Variants in RAD51B observed in about 807,000 individuals in gnomAD.
RAD51B encodes the protein DNA repair protein RAD51 homolog 2.
Under a neutral mutation model 42.2 loss-of-function variants are expected in RAD51B, and 38 were observed. That is an observed-to-expected ratio of 0.90 (90% CI 0.70 to 1.18). RAD51B has a LOEUF of 1.18. Among genes scored for constraint, RAD51B ranks in the 50% most tolerant of loss-of-function variants. The pLI is 0.00. For missense variants in RAD51B, 373 were observed against 400.7 expected (o/e 0.93, Z 0.59); for synonymous variants, 154 against 145.2 (o/e 1.06, Z -0.43).
At chr14:68,566,981 T>G (rs1005333399) in intron 10 of RAD51B, among the ~76,000 whole-genome samples, 3 of 152,296 alleles carry the variant, frequency 2.0e-5, no homozygotes, top group Admixed American at 6.5e-5. Context: ...ATATCCCAAA[T>G]AGGCTCATAC....
chr14:68,045,236 CAAAAAAAAAAAAA>C (rs537073885), intron 7 of RAD51B, among the ~76,000 whole-genome samples: 1 of 22,080 alleles, frequency 4.5e-5, no homozygotes, highest in South Asian at 2.6e-3. Flanking sequence ...AACTCTGTCT[CAAAAAAAAAAAAA>C]AAAAAAAAAA....
intron 10 of RAD51B, among the ~76,000 whole-genome samples, chr14:68,553,180 G>T (rs996536508): frequency 3.3e-5 from 5 of 152,196 alleles, no homozygotes; most frequent in Non-Finnish European, 5.9e-5. Context: ...GCTGTACCAT[G>T]ATCAGTTTAA....
At chr14:68,136,339 G>A (rs1443746884) in intron 7 of RAD51B, among the ~76,000 whole-genome samples, 10 of 71,458 alleles carry the variant, frequency 1.4e-4, no homozygotes, top group Non-Finnish European at 2.6e-4. Flanking sequence ...ACTTTGGGAG[G>A]CCAAGGCGGG....
chr14:68,020,576 G>T (rs897976655), intron 7 of RAD51B, among the ~76,000 whole-genome samples: 11 of 152,000 alleles, frequency 7.2e-5, no homozygotes, highest in African/African-American at 2.4e-4. Context: ...AACATTTTTG[G>T]TGTATATCTG....
chr14:68,235,305 G>A lies in RAD51B; in HGVS notation c.757-56579G>A, dbSNP rs775151118. Among the ~76,000 whole-genome samples the A allele has an allele frequency of 1.5e-4, 23 of 151,812 alleles. 1 individual carries two copies. The East Asian group carries it at 2.7e-3, about 18-fold the overall frequency. On this transcript the variant is annotated intron_variant, in intron 7 of 10. Transcript: ENST00000471583. ...TCAGCTCCATTATATTGTTGACCAC[G>A]TAGCACATAACTGTACTTGAAGCCA...
At chr14:68,597,680 A>G (rs1287603594), downstream of RAD51B, among the ~76,000 whole-genome samples, 7 of 152,102 alleles carry the variant, frequency 4.6e-5, no homozygotes, top group Non-Finnish European at 1.0e-4. Context: ...AGCAGAAAAG[A>G]TAACTATTGG....
At position 68,658,682 on chromosome 14, in the gene RAD51B, T is replaced by A. The variant is rs887122821; in HGVS notation, c.*11+7826T>A. Reference sequence around the variant, plus strand: ...ACCTAGAGACTCTGCCTCAGGGTTCTCCCTGCCTTCTGCCCCACACCCCAC... The same window carrying A: ...ACCTAGAGACTCTGCCTCAGGGTTCACCCTGCCTTCTGCCCCACACCCCAC... On this transcript the variant is annotated intron_variant, in intron 11 of 11. Coordinates refer to the RAD51B transcript ENST00000488612. 3.9e-5 allele frequency among the ~76,000 whole-genome samples: 6 copies of A among 152,314 alleles called. No homozygotes were observed. The East Asian group carries it at 1.2e-3, about 29-fold the overall frequency.
At chr14:68,298,930 C>T (rs1161868363) in intron 8 of RAD51B, among the ~76,000 whole-genome samples, 3 of 152,008 alleles carry the variant, frequency 2.0e-5, no homozygotes, top group Admixed American at 6.6e-5. Flanking sequence ...AATGCATTTG[C>T]GATGTTTACT....
chr14:67,899,007 T>A (rs1003868841), intron 7 of RAD51B, among the ~76,000 whole-genome samples: 5 of 152,118 alleles, frequency 3.3e-5, no homozygotes, highest in African/African-American at 4.8e-5. Flanking sequence ...GAAAGATAAA[T>A]ATTCTTGTTG....
intron 1 of RAD51B, among the ~76,000 whole-genome samples, chr14:67,823,131 T>TA (rs1446846154): frequency 7.2e-5 from 11 of 152,362 alleles, no homozygotes; most frequent in Admixed American, 5.2e-4. Context: ...TGTAAATTGT[T>TA]ACAGTGCAAT....
At chr14:68,011,680 A>G (rs1008502760) in intron 7 of RAD51B, among the ~76,000 whole-genome samples, 3 of 152,056 alleles carry the variant, frequency 2.0e-5, no homozygotes, top group Admixed American at 6.6e-5. Flanking sequence ...TCCAGTTTAA[A>G]CAACTGGACT....
At chr14:67,840,000 G>A (rs1266115630) in intron 4 of RAD51B, among the ~76,000 whole-genome samples, 1 of 151,978 alleles carries the variant, frequency 6.6e-6, no homozygotes, top group East Asian at 1.9e-4. Flanking sequence ...TTGCATTTTT[G>A]TCAGATAACT....
At chr14:68,404,377 G>A (rs940434502) in intron 8 of RAD51B, among the ~76,000 whole-genome samples, 5 of 152,230 alleles carry the variant, frequency 3.3e-5, no homozygotes, top group Middle Eastern at 6.8e-3. Flanking sequence ...CATCTTGCAG[G>A]AAATCACCTT....
intron 7 of RAD51B, among the ~76,000 whole-genome samples, chr14:67,949,826 C>T (rs1031186694): frequency 6.6e-6 from 1 of 152,190 alleles, no homozygotes; most frequent in Admixed American, 6.5e-5. Context: ...ATGAAAACAA[C>T]ATTAATCTCC....
chr14:68,230,999 A>G (rs189866400), intron 7 of RAD51B, among the ~76,000 whole-genome samples: 1 of 152,328 alleles, frequency 6.6e-6, no homozygotes, highest in Non-Finnish European at 1.5e-5. Context: ...GTGTAGACTG[A>G]CAGGATTTGA....
At chr14:68,167,592 C>G (rs2078779890) in intron 7 of RAD51B, among the ~76,000 whole-genome samples, 1 of 152,092 alleles carries the variant, frequency 6.6e-6, no homozygotes, top group South Asian at 2.1e-4. Context: ...TTTTCCTCCT[C>G]AAGTTCTACT....
intron 1 of RAD51B, 136 bp from the exon 2 acceptor site, chr14:67,823,406 A>G (rs2040700930): frequency 6.6e-6 from 4 of 604,922 alleles, no homozygotes; most frequent in Non-Finnish European, 1.1e-5. Context: ...TAATATTTTT[A>G]ACACAATATG....
At chr14:68,627,799 A>G (rs1030937007) in intron 10 of RAD51B, among the ~76,000 whole-genome samples, 1 of 152,080 alleles carries the variant, frequency 6.6e-6, no homozygotes, top group African/African-American at 2.4e-5. Context: ...AATAGCTACT[A>G]ATTTCCTCTT....
chr14:68,144,439 G>A (rs1231951839), intron 7 of RAD51B, among the ~76,000 whole-genome samples: 1 of 152,230 alleles, frequency 6.6e-6, no homozygotes, highest in Non-Finnish European at 1.5e-5. Flanking sequence ...TACTATGAAG[G>A]TTTTAAGTTA....
Sources: allele counts gnomAD v4.1 joint callset (sites outside exome capture counted in the v4.1 genomes callset), GRCh38; gene constraint gnomAD v4.1.1; transcripts MANE v1.5; gene names NCBI Gene and HGNC (gene_info 2026-07-23, HGNC 2026-07-21).